Variants in NBPF19 observed in about 807,000 individuals in gnomAD.
NBPF19 encodes the protein NBPF member 19.
Under a neutral mutation model 45.9 loss-of-function variants are expected in NBPF19, and 30 were observed. That is an observed-to-expected ratio of 0.65 (90% CI 0.49 to 0.89). The LOEUF is 0.89. Ranked by LOEUF, NBPF19 falls within the 40% of genes least tolerant of loss-of-function variation. The pLI is 0.00. For synonymous variants in NBPF19, 183 were observed against 181.2 expected, an observed-to-expected ratio of 1.01 and a Z score of -0.08; for missense variants, 495 against 471.8, an observed-to-expected ratio of 1.05 and a Z score of -0.46.
At chr1:149,479,199 C>T in intron 4 of NBPF19, 105 bp downstream of exon 4, 1 of 1,516,214 alleles carries the variant, frequency 6.6e-7, no homozygotes, top group African/African-American at 1.4e-5. Context: ...TTTTTTTCTA[C>T]TACACCTATG....
In NBPF19 at chr1:149,486,147, A is replaced by C; in HGVS notation, c.842A>C (p.Glu281Ala). 1 of 428,120 alleles carries C rather than the reference A, an allele frequency of 2.3e-6. No homozygotes were observed. The highest frequency in any genetic ancestry group is 5.2e-5 in the Admixed American group (1 of 19,414). 26.5% of individuals were successfully genotyped at this position (428,120 alleles called of 1,614,324 possible). A position where few individuals can be genotyped will look rare whatever the true frequency, so the allele number is the denominator to read the frequency against. ...CTCATCAGGAATCTGCAGGAGTCTG[A>C]AGAGGAGGAAGTCCCCCAGGAGTCC... ...PVSPRNLQES[E>A]EEEVPQESWD... The change falls in exon 8 of 94, where the codon GAA (glutamate) becomes GCA (alanine). Residue 281 changes from glutamate to alanine, a missense_variant. Transcript: ENST00000651566.
In NBPF19 at chr1:149,556,290, G is replaced by A. The variant is rs1357051468; in HGVS notation, c.*1552G>A. ...TTTTGGATTGTTTTTTACATTCAGT[G>A]TTATAATATTTGATTATGCTGATTG... On this transcript the variant is annotated 3_prime_UTR_variant, in exon 94 of 94. Transcript: ENST00000651566. The A allele has an allele frequency of 5.4e-5, 8 of 148,940 alleles. No individual in the cohort carries two copies. The highest frequency in any genetic ancestry group is 9.0e-5 in the Non-Finnish European group (6 of 66,884). 9.2% of individuals were successfully genotyped at this position (148,940 alleles called of 1,614,324 possible).
chr1:149,477,579 A>G (rs2084917529), intron 2 of NBPF19, among the ~76,000 whole-genome samples: 1 of 151,296 alleles, frequency 6.6e-6, no homozygotes, highest in South Asian at 2.1e-4. Context: ...CGACTGTACA[A>G]GAAATCACTA....
rs1371803568 is a variant in NBPF19 at position 149,479,188 on chromosome 1, G to T, written c.493+94G>T. 2.9e-5 allele frequency: 45 copies of T among 1,560,978 alleles called. 2 individuals carry two copies. The highest frequency in any genetic ancestry group is 2.3e-4 in the Middle Eastern group (1 of 4,368). On this transcript the variant is annotated intron_variant, in intron 4 of 93. Coordinates refer to ENST00000651566, the MANE Select transcript of NBPF19 (RefSeq NM_001351365.2). ...TCACAATGACAGTTATATCAGTGGG[G>T]TTTTTTTCTACTACACCTATGTGGC...
intron 13 of NBPF19, among the ~76,000 whole-genome samples, chr1:149,490,896 CTCTGTGTG>C (rs1368894562): frequency 1.6e-5 from 2 of 128,798 alleles, no homozygotes; most frequent in Non-Finnish European, 3.3e-5. Context: ...CTCTCTCTCT[CTCTGTGTG>C]TGTGTGTGTG....
At position 149,490,544 on chromosome 1, in the gene NBPF19, C is replaced by A. The variant is rs1225975041; in HGVS notation, c.1490+50C>A. ...ACTTCTGTGTTGACATCTGGAGACT[C>A]CTGGTTCAGGGAAAACAGAGCGGGC... On this transcript the variant is annotated intron_variant, in intron 13 of 93. Coordinates refer to ENST00000651566, the MANE Select transcript of NBPF19 (RefSeq NM_001351365.2). The A allele has an allele frequency of 3.5e-3, 276 of 79,372 alleles. 4 individuals carry two copies. Among genetic ancestry groups the A allele is most frequent in the South Asian group, 0.013 (185 of 14,136 alleles). 4.9% of individuals were successfully genotyped at this position (79,372 alleles called of 1,614,324 possible).
chr1:149,479,147 C>A, intron 4 of NBPF19, 53 bp downstream of exon 4: 1 of 1,540,416 alleles, frequency 6.5e-7, no homozygotes, highest in East Asian at 2.3e-5. Context: ...ATGAGAGGCT[C>A]CAGACCTCCA....
intron 13 of NBPF19, among the ~76,000 whole-genome samples, chr1:149,490,896 C>G (rs1385579215): frequency 2.3e-5 from 3 of 128,796 alleles, no homozygotes; most frequent in South Asian, 5.5e-4. Context: ...CTCTCTCTCT[C>G]TCTGTGTGTG....
At chr1:149,486,983 G>C (rs2085556560) in intron 8 of NBPF19, among the ~76,000 whole-genome samples, 1 of 150,492 alleles carries the variant, frequency 6.6e-6, no homozygotes, top group African/African-American at 2.4e-5. Context: ...ATCAAATTCT[G>C]GGTATTTGAT....
Position 149,554,856 on chromosome 1 carries a change from A to C in NBPF19, c.*118A>C. 3.9e-6 allele frequency: 6 copies of C among 1,541,708 alleles called. No homozygotes were observed. Among genetic ancestry groups the C allele is most frequent in the Non-Finnish European group, 5.3e-6 (6 of 1,133,380 alleles). On this transcript the variant is annotated 3_prime_UTR_variant, in exon 94 of 94. Coordinates refer to ENST00000651566, the MANE Select transcript of NBPF19 (RefSeq NM_001351365.2). Reference sequence around the variant, plus strand: ...CCAGACATAGGATGGGTCAGTGGGCATGGCTCTTTTCCTATTCTCAAACCA... The same window carrying C: ...CCAGACATAGGATGGGTCAGTGGGCCTGGCTCTTTTCCTATTCTCAAACCA...
At position 149,486,398 on chromosome 1, in the gene NBPF19, C is replaced by T. The variant is rs7411001; in HGVS notation, c.988+105C>T. The T allele has an allele frequency of 1.8e-3, 1,229 of 666,324 alleles. 38 individuals are homozygous for T. Among genetic ancestry groups the T allele is most frequent in the Middle Eastern group, 5.0e-3 (13 of 2,594 alleles). 41.3% of individuals were successfully genotyped at this position (666,324 alleles called of 1,614,324 possible). A position where few individuals can be genotyped will look rare whatever the true frequency, so the allele number is the denominator to read the frequency against. Reference sequence around the variant, plus strand: ...TTGTTGGGCTGAGATTTGCCATCACCGTGGGCTGAACCTATATATCAATGT... The same window carrying T: ...TTGTTGGGCTGAGATTTGCCATCACTGTGGGCTGAACCTATATATCAATGT... On this transcript the variant is annotated intron_variant, in intron 8 of 93. Coordinates refer to ENST00000651566, the MANE Select transcript of NBPF19 (RefSeq NM_001351365.2).
intron 8 of NBPF19, 97 bp downstream of exon 8, chr1:149,486,390 G>C: frequency 1.5e-6 from 1 of 660,492 alleles, no homozygotes; most frequent in Non-Finnish European, 2.8e-6. Context: ...GCTGAGATTT[G>C]CCATCACCGT....
intron 93 of NBPF19, 53 bp from the exon 94 acceptor site, chr1:149,554,442 C>T (rs1315944753): frequency 1.9e-6 from 3 of 1,607,886 alleles, no homozygotes; most frequent in East Asian, 4.5e-5. Context: ...TAGTGGGGCT[C>T]TGTGGTGTCT....
intron 37 of NBPF19, among the ~76,000 whole-genome samples, chr1:149,509,951 T>C (rs1425205487): frequency 4.7e-4 from 22 of 47,172 alleles, no homozygotes; most frequent in East Asian, 3.1e-3. Flanking sequence ...TGTGTGTGTG[T>C]GTGTGCGTGT....
chr1:149,487,476 T>G, intron 9 of NBPF19, 93 bp downstream of exon 9: 3 of 983,846 alleles, frequency 3.0e-6, no homozygotes, highest in South Asian at 1.3e-5. Context: ...ATAATGATTT[T>G]GTCTTGTCAG....
In NBPF19 at chr1:149,555,025, C is replaced by G; in HGVS notation, c.*287C>G. On this transcript the variant is annotated 3_prime_UTR_variant, in exon 94 of 94. Transcript: ENST00000651566. Reference sequence around the variant, plus strand: ...GTATCTTTGGGTAGCTACAAAATTCCTCAGGGATTTCATTTTGCAGGCATG... The same window carrying G: ...GTATCTTTGGGTAGCTACAAAATTCGTCAGGGATTTCATTTTGCAGGCATG... The G allele has an allele frequency of 3.9e-6, 2 of 513,200 alleles. No homozygotes were observed. Among genetic ancestry groups the G allele is most frequent in the Non-Finnish European group, 6.7e-6 (2 of 296,448 alleles). The allele number at this position is 513,200 out of a possible 1,614,324, so 31.8% of individuals were successfully genotyped here. A position where few individuals can be genotyped will look rare whatever the true frequency, so the allele number is the denominator to read the frequency against.
intron 13 of NBPF19, among the ~76,000 whole-genome samples, chr1:149,490,882 T>TTC (rs1222642149): frequency 1.9e-4 from 23 of 122,602 alleles, no homozygotes; most frequent in Admixed American, 6.9e-4. Flanking sequence ...ACTGAGCTCG[T>TTC]TCTCTCTCTC....
intron 17 of NBPF19, 53 bp from the exon 18 acceptor site, chr1:149,494,265 G>A (rs2086001365): frequency 8.0e-6 from 2 of 250,214 alleles, no homozygotes; most frequent in South Asian, 2.5e-5. Context: ...AGCTGGGGCT[G>A]TGTGGTTTCT....
Position 149,521,154 on chromosome 1 carries a change from T to A in NBPF19, c.6165-165T>A, listed in dbSNP as rs1192840688. Among the ~76,000 whole-genome samples the A allele has an allele frequency of 8.1e-3, 629 of 77,794 alleles. 104 individuals carry two copies. Among genetic ancestry groups the A allele is most frequent in the Non-Finnish European group, 0.012 (434 of 36,042 alleles). The allele number at this position is 77,794 out of a possible 152,430, so 51.0% of individuals were successfully genotyped here. On this transcript the variant is annotated intron_variant, in intron 51 of 93. Transcript: ENST00000651566. ...TCTTTCTCTTTCATTGTTTTCTACC[T>A]GGCCCTGTTCTATCCCAACATAAAG...
Sources: gnomAD v4.1 joint callset for allele counts (sites outside exome capture counted in the v4.1 genomes callset) on GRCh38, gnomAD v4.1.1 for gene constraint, MANE v1.5 for transcripts, NCBI Gene and HGNC (gene_info 2026-07-23, HGNC 2026-07-21) for gene names.